The following DCSTAMP variants were observed in gnomAD, a reference collection of about 807,000 sequenced individuals.
DCSTAMP encodes dendritic cell-specific transmembrane protein.
In DCSTAMP, 25 loss-of-function variants were observed where a neutral mutation model predicts 33.8. The ratio of observed to expected loss-of-function variants is 0.74; its 90% CI spans 0.54 to 1.03. The LOEUF is 1.03. Among genes scored for constraint, DCSTAMP ranks in the 50% least tolerant of loss-of-function variants. DCSTAMP has a pLI of 0.00. For synonymous variants in DCSTAMP, 245 were observed against 216.7 expected (o/e 1.13, Z -1.15); for missense variants, 531 against 556.8 (o/e 0.95, Z 0.47).
chr8:104,356,050 G>C, intron 3 of DCSTAMP, 74 bp from the exon 4 acceptor site: 1 of 1,361,364 alleles, frequency 7.3e-7, no homozygotes, highest in Non-Finnish European at 1.0e-6. Context: ...ACCCCACAAT[G>C]AAAAATTGAT....
Position 104,348,747 on chromosome 8 carries a change from G to T in DCSTAMP, c.195G>T (p.Trp65Cys), listed in dbSNP as rs368756833. 15 of 1,614,032 alleles carry T rather than the reference G, an allele frequency of 9.3e-6. No homozygotes were observed. The highest frequency in any genetic ancestry group is 2.7e-5 in the African/African-American group (2 of 74,894). The part of the protein sequence containing the change: ...LPSIIAAAAS[W>C]IITCVLLCCS... ...CAATCATAGCGGCCGCTGCCTCCTGGATTATCACGTGTGTTCTGCTGTGTT... is the reference window on the plus strand; with the variant it reads ...CAATCATAGCGGCCGCTGCCTCCTGTATTATCACGTGTGTTCTGCTGTGTT... Residue 65 changes from tryptophan to cysteine, a missense_variant, in exon 2 of 4, where the codon TGG becomes TGT. Trp to Cys is a radical substitution (Grantham distance 215). Transcript: ENST00000297581.
chr8:104,344,965 G>GT (rs1193470636), intron 1 of DCSTAMP, among the ~76,000 whole-genome samples: 2 of 151,910 alleles, frequency 1.3e-5, no homozygotes, highest in African/African-American at 2.4e-5. Flanking sequence ...TTTTGTAGTT[G>GT]TTTTTTAAAA....
rs561820837 is a variant in DCSTAMP at position 104,355,815 on chromosome 8, G to A, written c.1339-309G>A. ...GAATACCAAACGAATTTGCTTAATA[G>A]ATGCAAAACTGTCTTTTTCTTTAAG... On this transcript the variant is annotated intron_variant, in intron 3 of 3. Transcript: ENST00000297581. 3.3e-5 allele frequency among the ~76,000 whole-genome samples: 5 copies of A among 152,282 alleles called. No homozygotes were observed. In the East Asian group the frequency reaches 7.7e-4, roughly 23 times the overall value.
chr8:104,349,463 T>C lies in DCSTAMP; in HGVS notation c.911T>C (p.Leu304Pro). The change falls in exon 2 of 4, where the codon CTC (leucine) becomes CCC (proline). Residue 304 changes from leucine to proline, a missense_variant. Physicochemically the swap from Leu to Pro is moderately conservative, Grantham distance 98. Transcript: ENST00000297581. ...TTTTTCCTCCCCATACTTATCCATC[T>C]CTGCATCTGGGTGCTGTTTGCAGCT... ...GLFFLPILIHLCIWVLFAAVD... is the reference protein window; with the variant it reads ...GLFFLPILIHPCIWVLFAAVD... 6.2e-7 allele frequency: 1 copy of C among 1,614,178 alleles called. No individual in the cohort carries two copies. The highest frequency in any genetic ancestry group is 8.5e-7 in the Non-Finnish European group (1 of 1,180,022).
In DCSTAMP at chr8:104,348,884, T is replaced by C. The variant is rs749718466; in HGVS notation, c.332T>C (p.Val111Ala). ...ACAGGGATCGTCATCTTGGGACACG[T>C]AGAAAATATTTTTCACAACTTTAAA... ...AGTGIVILGH[V>A]ENIFHNFKGL... The change falls in exon 2 of 4, where the codon GTA becomes GCA. Residue 111 changes from valine (V) to alanine (A), a missense_variant. By Grantham distance (64) the Val-to-Ala change is moderately conservative. Transcript: ENST00000297581. The C allele has an allele frequency of 3.7e-6, 6 of 1,614,096 alleles. No individual in the cohort carries two copies. Among genetic ancestry groups the C allele is most frequent in the East Asian group, 4.5e-5 (2 of 44,896 alleles).
intron 1 of DCSTAMP, among the ~76,000 whole-genome samples, chr8:104,347,792 T>G (rs944862037): frequency 3.9e-5 from 6 of 152,160 alleles, no homozygotes. Flanking sequence ...GAGTTGTCCA[T>G]GTCCTACTGC....
intron 2 of DCSTAMP, among the ~76,000 whole-genome samples, chr8:104,352,387 A>G (rs951101071): frequency 2.0e-5 from 3 of 152,188 alleles, no homozygotes; most frequent in Non-Finnish European, 4.4e-5. Context: ...TTTTAGCTGA[A>G]AGCCAAACAA....
chr8:104,342,694 A>C (rs1280875520), intron 1 of DCSTAMP, among the ~76,000 whole-genome samples: 1 of 152,198 alleles, frequency 6.6e-6, no homozygotes, highest in Non-Finnish European at 1.5e-5. Context: ...ATGAGCCCCC[A>C]TTCCTGACCC....
Position 104,355,048 on chromosome 8 carries a change from A to G in DCSTAMP, c.1201A>G (p.Lys401Glu), listed in dbSNP as rs757846621. The change falls in exon 3 of 4, where the codon AAA becomes GAA. Residue 401 changes from lysine to glutamate, a missense_variant. By Grantham distance (56) the Lys-to-Glu change is moderately conservative. Transcript: ENST00000297581. The stretch of plus-strand genomic sequence containing the variant: ...GTTGTCCTCTATCCTTATGCAACTT[A>G]AAATCCTGGTGTCAGCATCTTTCTA... ...GLLSSILMQL[K>E]ILVSASFYPS... 6.2e-7 allele frequency: 1 copy of G among 1,614,160 alleles called. No individual in the cohort carries two copies. The highest frequency in any genetic ancestry group is 2.2e-5 in the East Asian group (1 of 44,882).
rs756895572 is a variant in DCSTAMP, at chr8:104,349,526, GC to G, written c.975del (p.Ser325ArgfsTer14). 5.6e-6 allele frequency: 9 copies of G among 1,613,918 alleles called. No individual in the cohort carries two copies. The highest frequency in any genetic ancestry group is 6.8e-6 in the Non-Finnish European group (8 of 1,180,014). ...YLLYRLIFSV[S>X]KQFQSLPGFE... ...CTGTATCGGCTCATTTTCTCAGTGA[GC>G]AAGCAGTTTCAAAGCTTGCCAGGGT... On this transcript the variant is annotated frameshift_variant, in exon 2 of 4. Coordinates refer to ENST00000297581, the MANE Select transcript of DCSTAMP (RefSeq NM_030788.4). LOFTEE classifies it high-confidence loss of function.
intron 2 of DCSTAMP, 116 bp from the exon 3 acceptor site, chr8:104,354,761 C>A: frequency 1.5e-6 from 1 of 672,394 alleles, no homozygotes; most frequent in Non-Finnish European, 2.5e-6. Context: ...GTTCCTTTGG[C>A]CAAAGCTCCC....
chr8:104,356,055 A>G, intron 3 of DCSTAMP, 69 bp from the exon 4 acceptor site: 1 of 1,394,476 alleles, frequency 7.2e-7, no homozygotes, highest in Non-Finnish European at 9.9e-7. Flanking sequence ...ACAATGAAAA[A>G]TTGATGTCAG....
In DCSTAMP at chr8:104,349,487, C is replaced by A; in HGVS notation, c.935C>A (p.Ala312Asp). ...IHLCIWVLFA[A>D]VDYLLYRLIF... ...CTCTGCATCTGGGTGCTGTTTGCAG[C>A]TGTAGATTATCTGCTGTATCGGCTC... The change falls in exon 2 of 4, where the codon GCT becomes GAT. Residue 312 changes from alanine to aspartate, a missense_variant. Ala to Asp is a moderately radical substitution (Grantham distance 126). Transcript: ENST00000297581. 6.2e-7 allele frequency: 1 copy of A among 1,614,186 alleles called. No homozygotes were observed. The highest frequency in any genetic ancestry group is 1.1e-5 in the South Asian group (1 of 91,084).
intron 1 of DCSTAMP, among the ~76,000 whole-genome samples, chr8:104,345,560 G>T (rs1478211249): frequency 6.6e-6 from 1 of 152,160 alleles, no homozygotes; most frequent in African/African-American, 2.4e-5. Context: ...GGACAAAATT[G>T]CAGTCGTATA....
At chr8:104,342,637 A>G (rs887007917) in intron 1 of DCSTAMP, among the ~76,000 whole-genome samples, 1 of 152,032 alleles carries the variant, frequency 6.6e-6, no homozygotes, top group Non-Finnish European at 1.5e-5. Flanking sequence ...TGCTTGTCTG[A>G]CCCCTGTAGG....
intron 1 of DCSTAMP, among the ~76,000 whole-genome samples, chr8:104,344,691 T>C (rs959837435): frequency 6.6e-6 from 1 of 152,116 alleles, no homozygotes; most frequent in African/African-American, 2.4e-5. Context: ...TCCCTCCAGC[T>C]CAAAAAAGAA....
rs897034037 is a variant in DCSTAMP at position 104,356,520 on chromosome 8, G to A, written c.*322G>A. 9 of 173,824 alleles carry A rather than the reference G, an allele frequency of 5.2e-5. No individual in the cohort carries two copies. The highest frequency in any genetic ancestry group is 1.8e-4 in the South Asian group (1 of 5,518). 10.8% of individuals were successfully genotyped at this position (173,824 alleles called of 1,614,324 possible). A position where few individuals can be genotyped will look rare whatever the true frequency, so the allele number is the denominator to read the frequency against. ...GTTCAAGGAAAAGAAAACGAAAACA[G>A]TTTAAATCTCTACCACAGCCTCACA... On this transcript the variant is annotated 3_prime_UTR_variant, in exon 4 of 4. Coordinates refer to ENST00000297581, the MANE Select transcript of DCSTAMP (RefSeq NM_030788.4).
At chr8:104,355,254 G>T in intron 3 of DCSTAMP, 69 bp downstream of exon 3, 1 of 1,492,266 alleles carries the variant, frequency 6.7e-7, no homozygotes, top group Non-Finnish European at 9.0e-7. Context: ...TGGGAAAGGG[G>T]ACTTCGAAGC....
chr8:104,348,722 C>G lies in DCSTAMP; in HGVS notation c.170C>G (p.Ser57Ter), dbSNP rs1564065421. The change falls in exon 2 of 4, where the codon TCA becomes TGA. Residue 57 changes from serine to a stop codon, truncating the protein, a stop_gained. Transcript: ENST00000297581. LOFTEE classifies it high-confidence loss of function. The part of the protein sequence containing the change: ...LSVAACWFLP[S>*]IIAAAASWII... ...GTGGCCGCCTGCTGGTTTCTGCCAT[C>G]AATCATAGCGGCCGCTGCCTCCTGG... 6.2e-7 allele frequency: 1 copy of G among 1,614,178 alleles called. No homozygotes were observed.
Sources: gnomAD v4.1 joint callset for allele counts (sites outside exome capture counted in the v4.1 genomes callset) on GRCh38, gnomAD v4.1.1 for gene constraint, MANE v1.5 for transcripts, NCBI Gene and HGNC (gene_info 2026-07-23, HGNC 2026-07-21) for gene names.